MAML3: variants seen among roughly 807,000 people sequenced by gnomAD.
The protein encoded by MAML3 is mastermind-like protein 3.
MAML3 carries 27 observed loss-of-function variants against 101.9 expected under a neutral mutation model. That is an observed-to-expected ratio of 0.27 (90% CI 0.20 to 0.37). The LOEUF is 0.37. MAML3 is among the 10% of genes least tolerant of loss of function. MAML3 has a pLI of 1.00. For missense variants in MAML3, 1,316 were observed against 1,444.9 expected, an observed-to-expected ratio of 0.91 and a Z score of 1.45; for synonymous variants, 501 against 555.9, an observed-to-expected ratio of 0.90 and a Z score of 1.39.
chr4:139,789,234 C>T (rs1364544642), intron 2 of MAML3, among the ~76,000 whole-genome samples: 1 of 152,126 alleles, frequency 6.6e-6, no homozygotes, highest in African/African-American at 2.4e-5. Context: ...AATCACTAAG[C>T]TGATAATAAC....
At chr4:139,819,416 T>C (rs545202388) in intron 2 of MAML3, among the ~76,000 whole-genome samples, 1 of 152,346 alleles carries the variant, frequency 6.6e-6, no homozygotes, top group South Asian at 2.1e-4. Context: ...GCTAGTATTT[T>C]GTTCCATAGG....
chr4:139,955,494 T>C (rs1362898219), intron 1 of MAML3, among the ~76,000 whole-genome samples: 7 of 152,196 alleles, frequency 4.6e-5, no homozygotes, highest in Non-Finnish European at 1.0e-4. Flanking sequence ...TGATTACAAT[T>C]GTTTCTTTCT....
intron 1 of MAML3, among the ~76,000 whole-genome samples, chr4:140,066,833 C>G (rs570110558): frequency 2.0e-4 from 31 of 152,316 alleles, no homozygotes; most frequent in African/African-American, 6.7e-4. Flanking sequence ...ATTTAAGTCT[C>G]AATTAGTATC....
At chr4:139,958,245 T>C (rs1366307905) in intron 1 of MAML3, among the ~76,000 whole-genome samples, 2 of 152,204 alleles carry the variant, frequency 1.3e-5, no homozygotes, top group East Asian at 1.9e-4. Flanking sequence ...GACCATCTTA[T>C]ATGGAGAATG....
At chr4:140,021,534 C>T (rs542306849) in intron 1 of MAML3, among the ~76,000 whole-genome samples, 2 of 152,280 alleles carry the variant, frequency 1.3e-5, no homozygotes, top group Non-Finnish European at 2.9e-5. Flanking sequence ...ATTAGATCTA[C>T]GTCTTGAAGC....
intron 2 of MAML3, among the ~76,000 whole-genome samples, chr4:139,850,865 T>C (rs1390333951): frequency 6.6e-6 from 1 of 150,936 alleles, no homozygotes; most frequent in Admixed American, 6.6e-5. Flanking sequence ...TGTACACATA[T>C]ACTTATGTTA....
At chr4:139,981,828 A>G (rs1013847108) in intron 1 of MAML3, among the ~76,000 whole-genome samples, 4 of 152,026 alleles carry the variant, frequency 2.6e-5, no homozygotes, top group Non-Finnish European at 4.4e-5. Context: ...TCATGACTAG[A>G]CCCGTGTTAT....
intron 1 of MAML3, among the ~76,000 whole-genome samples, chr4:139,997,022 A>G (rs1734830010): frequency 6.6e-6 from 1 of 151,696 alleles, no homozygotes; most frequent in East Asian, 1.9e-4. Flanking sequence ...GCGCCACTGC[A>G]CTCCAGTCTG....
At chr4:139,795,590 C>T (rs1470692787) in intron 2 of MAML3, among the ~76,000 whole-genome samples, 1 of 152,158 alleles carries the variant, frequency 6.6e-6, no homozygotes, top group Non-Finnish European at 1.5e-5. Flanking sequence ...CAAAAAGTCA[C>T]AATTTCTGGT....
At chr4:140,011,140 C>CAT (rs1344580166) in intron 1 of MAML3, among the ~76,000 whole-genome samples, 2 of 107,704 alleles carry the variant, frequency 1.9e-5, no homozygotes, top group Non-Finnish European at 3.8e-5. Flanking sequence ...TATATATACA[C>CAT]ATATGTCATA....
At chr4:140,123,268 A>G (rs1371905969) in intron 1 of MAML3, among the ~76,000 whole-genome samples, 1 of 152,198 alleles carries the variant, frequency 6.6e-6, no homozygotes, top group Non-Finnish European at 1.5e-5. Context: ...ACACAGAATA[A>G]ACCATAAAAT....
At chr4:140,011,029 G>C (rs1002279704) in intron 1 of MAML3, among the ~76,000 whole-genome samples, 1 of 150,424 alleles carries the variant, frequency 6.6e-6, no homozygotes, top group African/African-American at 2.4e-5. Flanking sequence ...CCCAGGAGGC[G>C]GAGGTAGCAG....
In MAML3 at chr4:140,153,027, C is replaced by T. The variant is rs1348912076; in HGVS notation, c.301G>A (p.Glu101Lys). The T allele has an allele frequency of 2.5e-6, 4 of 1,597,260 alleles. No homozygotes were observed. Among genetic ancestry groups the T allele is most frequent in the Non-Finnish European group, 3.4e-6 (4 of 1,172,024 alleles). ...CENRYQQAQV[E>K]QLELERRDTV... is the part of the protein sequence containing the mutation. ...TCCCGGCGCTCCAGCTCCAGCTGCT[C>T]CACCTGAGCCTGCTGGTACCTGTTC... The change falls in exon 1 of 5, where the codon GAG becomes AAG. Residue 101 changes from glutamate to lysine, a missense_variant. Transcript: ENST00000509479.
intron 1 of MAML3, among the ~76,000 whole-genome samples, chr4:139,918,545 C>T (rs892032150): frequency 3.3e-5 from 5 of 152,200 alleles, no homozygotes; most frequent in African/African-American, 1.2e-4. Context: ...TGTACTTTAT[C>T]GTGTCCTTCT....
chr4:139,828,543 C>T (rs1190182128), intron 2 of MAML3, among the ~76,000 whole-genome samples: 1 of 152,220 alleles, frequency 6.6e-6, no homozygotes, highest in East Asian at 1.9e-4. Flanking sequence ...ACGGAATAAA[C>T]AAAGCCCTGA....
At chr4:140,098,146 T>G (rs550485322) in intron 1 of MAML3, among the ~76,000 whole-genome samples, 1 of 152,334 alleles carries the variant, frequency 6.6e-6, no homozygotes, top group African/African-American at 2.4e-5. Flanking sequence ...GAACTTCTAT[T>G]TTGCATATGT....
At chr4:139,863,150 CAA>C (rs34108210) in intron 2 of MAML3, among the ~76,000 whole-genome samples, 24 of 114,124 alleles carry the variant, frequency 2.1e-4, no homozygotes, top group African/African-American at 6.2e-4. Context: ...ACTCTGTCTC[CAA>C]AAAAAAAAAA....
At chr4:139,775,644 G>C (rs1346739745) in intron 2 of MAML3, among the ~76,000 whole-genome samples, 1 of 152,046 alleles carries the variant, frequency 6.6e-6, no homozygotes, top group African/African-American at 2.4e-5. Flanking sequence ...AGTGGTTCGG[G>C]GGGCAGAATG....
chr4:139,931,579 A>G (rs1199573437), intron 1 of MAML3, among the ~76,000 whole-genome samples: 2 of 152,224 alleles, frequency 1.3e-5, no homozygotes, highest in African/African-American at 4.8e-5. Flanking sequence ...ACACTAGTTT[A>G]GGATGGACTG....
Sources: allele counts gnomAD v4.1 joint callset (sites outside exome capture counted in the v4.1 genomes callset), GRCh38; gene constraint gnomAD v4.1.1; transcripts MANE v1.5; gene names NCBI Gene and HGNC (gene_info 2026-07-23, HGNC 2026-07-21).